The following TRPC7 variants were observed in gnomAD, a reference collection of about 807,000 sequenced individuals.
TRPC7 encodes transient receptor potential cation channel subfamily C member 7, also known as short transient receptor potential channel 7.
In TRPC7, 42 loss-of-function variants were observed where a neutral mutation model predicts 90.1. The ratio of observed to expected loss-of-function variants is 0.47; its 90% CI spans 0.36 to 0.60. The LOEUF (loss-of-function observed/expected upper bound fraction) is 0.60. Ranked by LOEUF, TRPC7 falls within the 20% of genes least tolerant of loss-of-function variation. TRPC7 has a pLI of 0.00. For missense variants in TRPC7, 955 were observed against 1,112.3 expected, an observed-to-expected ratio of 0.86 and a Z score of 2.01; for synonymous variants, 451 against 436.3, an observed-to-expected ratio of 1.03 and a Z score of -0.42.
chr5:136,308,352 A>T (rs1425141877), intron 3 of TRPC7, among the ~76,000 whole-genome samples: 1 of 152,234 alleles, frequency 6.6e-6, no homozygotes, highest in East Asian at 1.9e-4. Flanking sequence ...GGATTCCAAC[A>T]GTGTTTGCCA....
chr5:136,259,645 G>A (rs140394144), intron 5 of TRPC7, among the ~76,000 whole-genome samples: 9 of 152,278 alleles, frequency 5.9e-5, no homozygotes, highest in African/African-American at 1.9e-4. Context: ...CTTATTATAA[G>A]CTTGTTATTC....
chr5:136,231,432 G>A lies in TRPC7; in HGVS notation c.1962C>T (p.Gly654=), dbSNP rs368020144. The A allele has an allele frequency of 2.2e-5, 35 of 1,612,730 alleles. No homozygotes were observed. In the African/African-American group the frequency reaches 3.6e-4, roughly 17 times the overall value. ...CTACCACCATGGTGACGTTATAAAC[G>A]CCGTAGAGAACGTAGCCAATGTTCT... ...FIENIGYVLY[G]VYNVTMVVVL... Residue 654 remains glycine, a synonymous_variant, in exon 8 of 12, where the codon GGC becomes GGT. Transcript: ENST00000513104.
chr5:136,301,332 ATTTTTTTTTTTTTT>A (rs368799815), intron 3 of TRPC7, among the ~76,000 whole-genome samples: 1 of 85,710 alleles, frequency 1.2e-5, no homozygotes, highest in Non-Finnish European at 2.2e-5. Flanking sequence ...CAGCCCAGGC[ATTTTTTTTTTTTTT>A]TTTTTTTTTT....
At chr5:136,258,150 T>G (rs1756743411) in intron 5 of TRPC7, among the ~76,000 whole-genome samples, 1 of 152,198 alleles carries the variant, frequency 6.6e-6, no homozygotes, top group African/African-American at 2.4e-5. Flanking sequence ...AGCTTCTCAT[T>G]GGACATTGGG....
At chr5:136,301,588 A>C in intron 3 of TRPC7, among the ~76,000 whole-genome samples, 1 of 151,996 alleles carries the variant, frequency 6.6e-6, no homozygotes, top group Non-Finnish European at 1.5e-5. Flanking sequence ...TAATCTCCCC[A>C]ACTCTTAAGA....
At chr5:136,264,220 G>T (rs1165904732) in intron 5 of TRPC7, among the ~76,000 whole-genome samples, 5 of 152,090 alleles carry the variant, frequency 3.3e-5, no homozygotes, top group Non-Finnish European at 2.9e-5. Context: ...AGAAATATGA[G>T]GACTCAGGAG....
intron 2 of TRPC7, among the ~76,000 whole-genome samples, chr5:136,349,608 T>C (rs1301738932): frequency 6.6e-6 from 1 of 152,230 alleles, no homozygotes; most frequent in Non-Finnish European, 1.5e-5. Context: ...TATTTGTCTA[T>C]TTACTGAACT....
chr5:136,364,278 A>G (rs1010599331), intron 1 of TRPC7, among the ~76,000 whole-genome samples: 17 of 152,170 alleles, frequency 1.1e-4, no homozygotes, highest in African/African-American at 3.4e-4. Flanking sequence ...CATGCACCTA[A>G]GTTTAGGAGC....
intron 2 of TRPC7, among the ~76,000 whole-genome samples, chr5:136,319,726 A>G (rs1759132803): frequency 1.3e-5 from 2 of 151,708 alleles, no homozygotes; most frequent in South Asian, 4.2e-4. Flanking sequence ...TGACCTACCA[A>G]GTGCTTTAAC....
intron 7 of TRPC7, among the ~76,000 whole-genome samples, chr5:136,240,573 C>T (rs1160590028): frequency 2.0e-5 from 3 of 152,172 alleles, no homozygotes; most frequent in Non-Finnish European, 4.4e-5. Flanking sequence ...TAATCAAAAT[C>T]GGAGTTAGTA....
In TRPC7 at chr5:136,283,872, G is replaced by T. The variant is rs188929664; in HGVS notation, c.964-9035C>A. 5.1e-3 allele frequency among the ~76,000 whole-genome samples: 771 copies of T among 152,306 alleles called. 5 individuals carry two copies. Among genetic ancestry groups the T allele is most frequent in the African/African-American group, 0.018 (733 of 41,556 alleles). ...GGGCCTTATGCAAACAATGGGGTGT[G>T]CCTATCAATGGACATCTACTCTCCT... On this transcript the variant is annotated intron_variant, in intron 3 of 11. Coordinates refer to ENST00000513104, the MANE Select transcript of TRPC7 (RefSeq NM_020389.3).
rs187863365 is a variant in TRPC7 at position 136,332,662 on chromosome 5, A to C, written c.781-16883T>G. On this transcript the variant is annotated intron_variant, in intron 2 of 11. Coordinates refer to ENST00000513104, the MANE Select transcript of TRPC7 (RefSeq NM_020389.3). ...TTATTGATGAATGCTAAGTAAGGAA[A>C]AAACAAACAAACAAACAAACAAGAA... Among the ~76,000 whole-genome samples the C allele has an allele frequency of 1.1e-4, 17 of 152,288 alleles. 1 individual carries two copies. The East Asian group carries it at 2.7e-3, about 24-fold the overall frequency.
intron 7 of TRPC7, among the ~76,000 whole-genome samples, chr5:136,242,144 G>T (rs1409917289): frequency 6.6e-6 from 1 of 152,162 alleles, no homozygotes; most frequent in South Asian, 2.1e-4. Context: ...TTTTCTTAAA[G>T]ACTTTATTAA....
chr5:136,278,379 C>G (rs1486290423), intron 3 of TRPC7, among the ~76,000 whole-genome samples: 2 of 152,224 alleles, frequency 1.3e-5, no homozygotes, highest in African/African-American at 2.4e-5. Flanking sequence ...ACCAAAGTTG[C>G]CTTCCTTCCT....
chr5:136,276,784 T>C (rs531524928), intron 3 of TRPC7, among the ~76,000 whole-genome samples: 1 of 152,314 alleles, frequency 6.6e-6, no homozygotes, highest in Non-Finnish European at 1.5e-5. Flanking sequence ...CCTTTCTGGC[T>C]CACAATGAAG....
chr5:136,358,757 T>A (rs1317326995), intron 1 of TRPC7, among the ~76,000 whole-genome samples: 1 of 152,234 alleles, frequency 6.6e-6, no homozygotes, highest in African/African-American at 2.4e-5. Flanking sequence ...TTCCTAAGCC[T>A]CTACCAACTT....
rs1462949348 is a variant in TRPC7, at chr5:136,247,347, T to C, written c.1844+124A>G. 4.7e-6 allele frequency: 5 copies of C among 1,070,668 alleles called. No homozygotes were observed. The highest frequency in any genetic ancestry group is 2.6e-5 in the East Asian group (1 of 38,628). 66.3% of individuals were successfully genotyped at this position (1,070,668 alleles called of 1,614,324 possible). On this transcript the variant is annotated intron_variant, in intron 7 of 11. Coordinates refer to ENST00000513104, the MANE Select transcript of TRPC7 (RefSeq NM_020389.3). The surrounding 1 kb of genome is among the most constrained non-coding windows in gnomAD (Gnocchi z 4.2). ...AACTCTAAACCACCCTTGAATAAAG[T>C]TGCCTTTAACCTTGAGAGATAGCAA...
At chr5:136,232,716 T>C (rs896544807) in intron 7 of TRPC7, among the ~76,000 whole-genome samples, 2 of 152,364 alleles carry the variant, frequency 1.3e-5, no homozygotes, top group African/African-American at 4.8e-5. Context: ...CATGACACTG[T>C]ATCAGGCTGA....
At chr5:136,363,074 G>A (rs531879994) in intron 1 of TRPC7, among the ~76,000 whole-genome samples, 2 of 152,180 alleles carry the variant, frequency 1.3e-5, no homozygotes, top group South Asian at 2.1e-4. Context: ...TTTAAAATAA[G>A]GTATGAATTC....
Sources: allele counts gnomAD v4.1 joint callset (sites outside exome capture counted in the v4.1 genomes callset), GRCh38; gene constraint gnomAD v4.1.1; non-coding constraint Gnocchi (gnomAD v3.1); transcripts MANE v1.5; gene names NCBI Gene and HGNC (gene_info 2026-07-23, HGNC 2026-07-21).